Variants in SCML4 observed in about 807,000 individuals in gnomAD.
SCML4 encodes the protein Scm polycomb group protein like 4.
SCML4 carries 34 observed loss-of-function variants against 41.1 expected under a neutral mutation model. The ratio of observed to expected loss-of-function variants is 0.83; its 90% confidence interval spans 0.63 to 1.10. SCML4 has a LOEUF of 1.10. SCML4 is among the 50% of genes least tolerant of loss of function. The pLI is 0.00. For missense variants in SCML4, 522 were observed against 534.1 expected (o/e 0.98, Z 0.22); for synonymous variants, 214 against 220.9 (o/e 0.97, Z 0.28).
chr6:107,770,630 G>T (rs1281084246), intron 2 of SCML4, among the ~76,000 whole-genome samples: 2 of 152,218 alleles, frequency 1.3e-5, no homozygotes, highest in African/African-American at 4.8e-5. Flanking sequence ...CCAACCCAAA[G>T]ATTTCTTCCT....
chr6:107,844,935 T>TAA, the SCML4 span, among the ~76,000 whole-genome samples: 4,139 of 141,512 alleles, frequency 0.029, 187 homozygotes, highest in African/African-American at 0.11. Context: ...ATATGTATAT[T>TAA]AAAAAAAAAA....
intron 1 of SCML4, among the ~76,000 whole-genome samples, chr6:107,803,398 G>A (rs925736283): frequency 1.7e-4 from 25 of 142,962 alleles, no homozygotes; most frequent in African/African-American, 6.8e-4. Context: ...CCCCTCGCCC[G>A]GCCAGCCGCC....
At chr6:107,720,425 G>T in intron 6 of SCML4, 6 of 1,111,664 alleles carry the variant, frequency 5.4e-6, no homozygotes, top group Non-Finnish European at 6.6e-6. Flanking sequence ...TTTGGCTCTC[G>T]AACAAAAATT....
intron 2 of SCML4, among the ~76,000 whole-genome samples, chr6:107,753,264 A>G (rs1050647336): frequency 6.6e-6 from 1 of 152,194 alleles, no homozygotes; most frequent in African/African-American, 2.4e-5. Context: ...TATGGAAAAG[A>G]GTATGGCAGT....
intron 2 of SCML4, among the ~76,000 whole-genome samples, chr6:107,764,686 T>G (rs1282501620): frequency 6.6e-6 from 1 of 152,112 alleles, no homozygotes; most frequent in Admixed American, 6.5e-5. Flanking sequence ...AACAAAAAAG[T>G]TCTATCTGAT....
intron 5 of SCML4, among the ~76,000 whole-genome samples, chr6:107,742,061 A>T (rs1319013729): frequency 6.6e-6 from 1 of 152,210 alleles, no homozygotes; most frequent in African/African-American, 2.4e-5. Context: ...TCAGAAATAT[A>T]TCAGAGAAAT....
At position 107,786,855 on chromosome 6, in the gene SCML4, T is replaced by A. The variant is rs142160343; in HGVS notation, c.-59-14469A>T. Among the ~76,000 whole-genome samples the A allele has an allele frequency of 1.8e-3, 272 of 152,350 alleles. 2 individuals carry two copies. Among genetic ancestry groups the A allele is most frequent in the African/African-American group, 6.3e-3 (263 of 41,574 alleles). On this transcript the variant is annotated intron_variant, in intron 1 of 7. Transcript: ENST00000369020. ...CTTTCCAACAACAAGGCCACTGCAA[T>A]AAGACGCAGAGCATCCCATGCTGCC...
At chr6:107,790,746 T>A (rs926422011) in intron 1 of SCML4, among the ~76,000 whole-genome samples, 1 of 152,058 alleles carries the variant, frequency 6.6e-6, no homozygotes, top group Non-Finnish European at 1.5e-5. Flanking sequence ...CCACACCTAC[T>A]GCAGGAACCA....
chr6:107,712,082 C>T (rs1728125), intron 6 of SCML4, among the ~76,000 whole-genome samples: 113,829 of 151,368 alleles, frequency 0.75, 42,892 homozygotes, highest in Admixed American at 0.81. Flanking sequence ...ATCTGAATGC[C>T]GATCCACACT....
chr6:107,717,795 G>A (rs149308774), intron 6 of SCML4, among the ~76,000 whole-genome samples: 2,061 of 152,302 alleles, frequency 0.014, 52 homozygotes, highest in African/African-American at 0.047. Context: ...TGATCCACCC[G>A]CCTTGGCCTC....
intron 2 of SCML4, among the ~76,000 whole-genome samples, chr6:107,750,104 A>G (rs1778490252): frequency 6.6e-6 from 1 of 152,200 alleles, no homozygotes; most frequent in South Asian, 2.1e-4. Context: ...GGCATCCATG[A>G]ACGCTTTGAG....
At chr6:107,804,145 A>G (rs1783540085) in intron 1 of SCML4, among the ~76,000 whole-genome samples, 1 of 152,030 alleles carries the variant, frequency 6.6e-6, no homozygotes, top group Non-Finnish European at 1.5e-5. Context: ...CTGAGCAGAA[A>G]TGTGATCTGA....
chr6:107,799,580 T>G (rs1346992120), intron 1 of SCML4, among the ~76,000 whole-genome samples: 6 of 152,222 alleles, frequency 3.9e-5, no homozygotes, highest in Non-Finnish European at 8.8e-5. Flanking sequence ...GACAATAGAC[T>G]TGAGTTTAAG....
At chr6:107,788,610 C>A (rs1339542720) in intron 1 of SCML4, among the ~76,000 whole-genome samples, 1 of 152,190 alleles carries the variant, frequency 6.6e-6, no homozygotes, top group Non-Finnish European at 1.5e-5. Flanking sequence ...TCACGTTAGT[C>A]TTGTCTCCCA....
chr6:107,827,088 T>C (rs1785285122), upstream of SCML4, among the ~76,000 whole-genome samples: 1 of 148,916 alleles, frequency 6.7e-6, no homozygotes, highest in Non-Finnish European at 1.5e-5. Flanking sequence ...TTTTTATATA[T>C]ATGTATATAT....
chr6:107,781,523 T>C (rs552122952), intron 1 of SCML4, among the ~76,000 whole-genome samples: 1 of 152,150 alleles, frequency 6.6e-6, no homozygotes, highest in South Asian at 2.1e-4. Flanking sequence ...GGTGTGTGCC[T>C]GCGCTCCCAG....
At chr6:107,832,598 A>T in the SCML4 span, among the ~76,000 whole-genome samples, 1 of 152,186 alleles carries the variant, frequency 6.6e-6, no homozygotes, top group Non-Finnish European at 1.5e-5. Flanking sequence ...TCACCTTTGA[A>T]ACTGGTGGGG....
intron 2 of SCML4, among the ~76,000 whole-genome samples, chr6:107,756,699 G>C (rs186387705): frequency 7.4e-4 from 112 of 152,284 alleles, no homozygotes; most frequent in African/African-American, 2.6e-3. Flanking sequence ...GGGGAAATCA[G>C]GTGCGGGGTA....
At chr6:107,711,338 G>T (rs1029276286) in intron 6 of SCML4, among the ~76,000 whole-genome samples, 1 of 152,094 alleles carries the variant, frequency 6.6e-6, no homozygotes, top group Admixed American at 6.5e-5. Flanking sequence ...GTCATGCACC[G>T]CCTAAGGACG....
Sources: allele counts gnomAD v4.1 joint callset (sites outside exome capture counted in the v4.1 genomes callset), GRCh38; gene constraint gnomAD v4.1.1; transcripts MANE v1.5; gene names NCBI Gene and HGNC (gene_info 2026-07-23, HGNC 2026-07-21).